The following SPTLC3 variants were observed in gnomAD, a reference collection of about 807,000 sequenced individuals.
SPTLC3 encodes serine palmitoyltransferase long chain base subunit 3.
A neutral mutation model predicts 59.3 loss-of-function variants in SPTLC3; 36 were observed. That is an observed-to-expected ratio of 0.61 (90% confidence interval 0.47 to 0.80). The LOEUF is 0.80. Ranked by LOEUF, SPTLC3 falls within the 30% of genes least tolerant of loss-of-function variation. The pLI is 0.00. For synonymous variants in SPTLC3, 257 were observed against 240.8 expected (o/e 1.07, Z -0.62); for missense variants, 625 against 685.1 (o/e 0.91, Z 0.98).
chr20:13,104,833 C>T (rs539159233), intron 6 of SPTLC3, among the ~76,000 whole-genome samples: 1 of 152,074 alleles, frequency 6.6e-6, no homozygotes, highest in African/African-American at 2.4e-5. Flanking sequence ...ATTAAATCAA[C>T]AAGAACAGGT....
At chr20:13,112,981 G>A (rs566548644) in intron 7 of SPTLC3, among the ~76,000 whole-genome samples, 4 of 152,242 alleles carry the variant, frequency 2.6e-5, no homozygotes, top group East Asian at 1.9e-4. Flanking sequence ...TTAGGAGTTC[G>A]AGACCAGCCT....
At chr20:13,121,566 C>T (rs1264870596) in intron 8 of SPTLC3, among the ~76,000 whole-genome samples, 3 of 152,112 alleles carry the variant, frequency 2.0e-5, no homozygotes, top group African/African-American at 7.2e-5. Context: ...GTGGAAACCT[C>T]GATACGAGGA....
At chr20:13,031,062 G>A (rs1986418075) in intron 1 of SPTLC3, among the ~76,000 whole-genome samples, 1 of 152,064 alleles carries the variant, frequency 6.6e-6, no homozygotes, top group African/African-American at 2.4e-5. Flanking sequence ...ACTCAACTCT[G>A]CCACTGCACC....
At chr20:13,136,586 T>C (rs1426921028) in intron 9 of SPTLC3, among the ~76,000 whole-genome samples, 1 of 147,154 alleles carries the variant, frequency 6.8e-6, no homozygotes, top group Non-Finnish European at 1.5e-5. Context: ...GGCAACAGAG[T>C]GAGACCTCAT....
chr20:13,130,531 G>T lies in SPTLC3; in HGVS notation c.1279+3814G>T, dbSNP rs1049639818. Among the ~76,000 whole-genome samples the T allele has an allele frequency of 3.3e-5, 5 of 152,356 alleles. No individual in the cohort carries two copies. The East Asian group carries it at 7.7e-4, about 23-fold the overall frequency. ...AGGTCAGTGTTCCTTTGATGCCAAG[G>T]TTCAAAGATGAAATAGCAGTCCCAG... is the stretch of plus-strand genomic sequence containing the variant. On this transcript the variant is annotated intron_variant, in intron 9 of 11. Transcript: ENST00000399002.
At chr20:13,073,652 A>C in intron 3 of SPTLC3, 2 of 320,694 alleles carry the variant, frequency 6.2e-6, no homozygotes, top group East Asian at 7.4e-5. Flanking sequence ...GCATCAGGGA[A>C]TGATTAACAT....
chr20:13,141,287 G>C (rs556159954), intron 9 of SPTLC3, among the ~76,000 whole-genome samples: 67 of 152,156 alleles, frequency 4.4e-4, no homozygotes, highest in Admixed American at 7.9e-4. Flanking sequence ...TTATCTTGTG[G>C]CTGTTATTGC....
At chr20:13,065,997 C>T (rs962323856) in intron 2 of SPTLC3, among the ~76,000 whole-genome samples, 2 of 152,206 alleles carry the variant, frequency 1.3e-5, no homozygotes, top group Non-Finnish European at 2.9e-5. Flanking sequence ...CCATGCTGTA[C>T]ATTAGGTCTC....
intron 1 of SPTLC3, among the ~76,000 whole-genome samples, chr20:13,043,077 A>G (rs748079194): frequency 3.3e-5 from 5 of 152,174 alleles, no homozygotes; most frequent in Non-Finnish European, 7.4e-5. Context: ...CGCAAAACCT[A>G]ACTGCTACAA....
At chr20:13,114,892 AG>A (rs1352014751) in intron 7 of SPTLC3, among the ~76,000 whole-genome samples, 3 of 152,200 alleles carry the variant, frequency 2.0e-5, no homozygotes, top group Admixed American at 2.0e-4. Context: ...GATTTCAAAA[AG>A]GAGGCTTTTC....
intron 1 of SPTLC3, among the ~76,000 whole-genome samples, chr20:13,012,591 G>T (rs1382315469): frequency 6.6e-6 from 1 of 152,146 alleles, no homozygotes; most frequent in Non-Finnish European, 1.5e-5. Context: ...TTGGAGAAGA[G>T]CAAAAATAAT....
chr20:13,062,948 T>G lies in SPTLC3; in HGVS notation c.304-9308T>G, dbSNP rs755724855. ...TTTATTCTAGGATAATTCCTGGAAG[T>G]GGCTTTCTGAGTCCAAGGCATGCAC... On this transcript the variant is annotated intron_variant, in intron 2 of 11. Coordinates refer to ENST00000399002, the MANE Select transcript of SPTLC3 (RefSeq NM_018327.4). 3.9e-5 allele frequency among the ~76,000 whole-genome samples: 6 copies of G among 152,214 alleles called. No individual in the cohort carries two copies. The South Asian group carries it at 1.2e-3, about 32-fold the overall frequency.
chr20:13,121,244 C>A (rs1354375135), intron 8 of SPTLC3, among the ~76,000 whole-genome samples: 4 of 152,138 alleles, frequency 2.6e-5, no homozygotes, highest in African/African-American at 9.7e-5. Flanking sequence ...GCCCTTGTAA[C>A]TGATAGGTTG....
chr20:13,105,772 T>C (rs2122676665), intron 6 of SPTLC3, among the ~76,000 whole-genome samples: 1 of 152,310 alleles, frequency 6.6e-6, no homozygotes, highest in South Asian at 2.1e-4. Flanking sequence ...AGGGAAAACA[T>C]TCTTAACAGG....
At chr20:13,038,450 A>G (rs1040817989) in intron 1 of SPTLC3, among the ~76,000 whole-genome samples, 2 of 152,072 alleles carry the variant, frequency 1.3e-5, no homozygotes, top group Non-Finnish European at 2.9e-5. Flanking sequence ...TTTCATCTTA[A>G]TTCTAATATG....
At chr20:13,046,538 A>G (rs1380065170) in intron 1 of SPTLC3, among the ~76,000 whole-genome samples, 1 of 152,156 alleles carries the variant, frequency 6.6e-6, no homozygotes, top group African/African-American at 2.4e-5. Flanking sequence ...TAGAGTCTGG[A>G]CAAATCCAGC....
At chr20:13,038,920 T>A (rs1042290620) in intron 1 of SPTLC3, among the ~76,000 whole-genome samples, 40 of 143,448 alleles carry the variant, frequency 2.8e-4, no homozygotes, top group African/African-American at 1.2e-3. Flanking sequence ...AGGAAAATGT[T>A]GTTTAATTTC....
intron 9 of SPTLC3, among the ~76,000 whole-genome samples, chr20:13,127,335 C>A (rs2038017636): frequency 6.6e-6 from 1 of 152,222 alleles, no homozygotes; most frequent in African/African-American, 2.4e-5. Flanking sequence ...GATTCTACCA[C>A]ATGTCACACA....
chr20:13,098,403 T>C (rs907623308), intron 6 of SPTLC3, among the ~76,000 whole-genome samples: 2 of 152,314 alleles, frequency 1.3e-5, no homozygotes, highest in East Asian at 1.9e-4. Flanking sequence ...AAAGTGTTAA[T>C]AGGTGAATCT....
Sources: gnomAD v4.1 joint callset for allele counts (sites outside exome capture counted in the v4.1 genomes callset) on GRCh38, gnomAD v4.1.1 for gene constraint, MANE v1.5 for transcripts, NCBI Gene and HGNC (gene_info 2026-07-23, HGNC 2026-07-21) for gene names.